Variants in ATG7 observed in about 807,000 individuals in gnomAD.
ATG7 encodes ubiquitin-like modifier-activating enzyme ATG7.
Under a neutral mutation model 82.4 loss-of-function variants are expected in ATG7, and 70 were observed. The observed-to-expected ratio is 0.85, with a 90% CI of 0.70 to 1.04. ATG7 has a LOEUF of 1.04. ATG7 is among the 50% of genes least tolerant of loss of function. The pLI, the probability that ATG7 is intolerant of heterozygous loss-of-function variation, is 0.00. For missense variants in ATG7, 792 were observed against 864.3 expected (o/e 0.92, Z 1.05); for synonymous variants, 287 against 313.0 (o/e 0.92, Z 0.88).
intron 19 of ATG7, among the ~76,000 whole-genome samples, chr3:11,400,400 G>A (rs935009316): frequency 6.6e-6 from 1 of 152,142 alleles, no homozygotes; most frequent in Non-Finnish European, 1.5e-5. Context: ...CTAGCTTGAA[G>A]ACAACAGAAA....
chr3:11,354,599 A>C (rs749071858), intron 14 of ATG7, among the ~76,000 whole-genome samples: 1 of 140,368 alleles, frequency 7.1e-6, no homozygotes, highest in Non-Finnish European at 1.5e-5. Context: ...CAGTGAGCCG[A>C]GATCACGCCA....
rs2078339124 is a variant in ATG7, at chr3:11,386,665, A to G, written c.1956+6613A>G. Among the ~76,000 whole-genome samples, 2 of 152,222 alleles carry G rather than the reference A, an allele frequency of 1.3e-5. 1 individual carries two copies. Among genetic ancestry groups the G allele is most frequent in the South Asian group, 4.1e-4 (2 of 4,830 alleles). ...TTTCCAAAAGGGATATAAATCTCTG[A>G]TTTGGAAAATGATGAGTAACCCCCA... On this transcript the variant is annotated intron_variant, in intron 19 of 20. Transcript: ENST00000693202.
Position 11,407,338 on chromosome 3 carries a change from C to T in ATG7, c.1957-19466C>T, listed in dbSNP as rs188253047. On this transcript the variant is annotated intron_variant, in intron 19 of 20. Transcript: ENST00000693202. ...GTTCCCATGGTCTTGGGCAGCTCTG[C>T]CCCTGTGGCTTTGCAGGGTGCAGCC... is the stretch of plus-strand genomic sequence containing the variant. 3.3e-5 allele frequency among the ~76,000 whole-genome samples: 5 copies of T among 152,360 alleles called. No individual in the cohort carries two copies. In the East Asian group the frequency reaches 7.7e-4, roughly 24 times the overall value.
chr3:11,525,588 T>C (rs1399606721), intron 20 of ATG7, among the ~76,000 whole-genome samples: 2 of 148,196 alleles, frequency 1.3e-5, no homozygotes, highest in Non-Finnish European at 3.0e-5. Flanking sequence ...GGAGTCTTGC[T>C]CTGTCGCCCA....
At chr3:11,488,775 C>T (rs1357650896) in intron 20 of ATG7, among the ~76,000 whole-genome samples, 1 of 152,154 alleles carries the variant, frequency 6.6e-6, no homozygotes, top group Non-Finnish European at 1.5e-5. Context: ...GGTGGATAGG[C>T]TTTTTGATGT....
intron 19 of ATG7, among the ~76,000 whole-genome samples, chr3:11,423,928 C>T (rs558757834): frequency 1.1e-4 from 16 of 152,292 alleles, no homozygotes; most frequent in African/African-American, 3.8e-4. Context: ...TGACCAGAGG[C>T]GTCAGATTGT....
At chr3:11,498,059 T>C (rs2090995855) in intron 20 of ATG7, among the ~76,000 whole-genome samples, 1 of 152,226 alleles carries the variant, frequency 6.6e-6, no homozygotes, top group African/African-American at 2.4e-5. Flanking sequence ...GGACCCTCTT[T>C]GGTGGTCAAA....
At chr3:11,520,856 C>T (rs1043385014) in intron 20 of ATG7, among the ~76,000 whole-genome samples, 1 of 152,162 alleles carries the variant, frequency 6.6e-6, no homozygotes, top group Non-Finnish European at 1.5e-5. Flanking sequence ...ACACCTCACC[C>T]GCCAGCATTC....
intron 5 of ATG7, among the ~76,000 whole-genome samples, chr3:11,306,406 A>G (rs1947744900): frequency 6.6e-6 from 1 of 152,232 alleles, no homozygotes; most frequent in South Asian, 2.1e-4. Flanking sequence ...CTCTTAGCAG[A>G]GAAAGTGGAG....
rs917658716 is a variant in ATG7, at chr3:11,399,491, C to T, written c.1956+19439C>T. 3.9e-5 allele frequency among the ~76,000 whole-genome samples: 6 copies of T among 152,056 alleles called. No individual in the cohort carries two copies. The East Asian group carries it at 5.8e-4, about 15-fold the overall frequency. On this transcript the variant is annotated intron_variant, in intron 19 of 20. Transcript: ENST00000693202. ...AAAGTAGAGAAATTATTATATAAGT[C>T]GCTGGTTTTAAGAGGTAAGTAAGGA... is the stretch of plus-strand genomic sequence containing the variant.
chr3:11,317,034 G>T (rs1231123385), intron 9 of ATG7, among the ~76,000 whole-genome samples: 1 of 152,028 alleles, frequency 6.6e-6, no homozygotes, highest in East Asian at 1.9e-4. Flanking sequence ...TAGAGATGGG[G>T]TTTCACCGTG....
At chr3:11,336,028 GC>G (rs1252466523) in intron 11 of ATG7, among the ~76,000 whole-genome samples, 2 of 148,464 alleles carry the variant, frequency 1.3e-5, no homozygotes, top group African/African-American at 5.0e-5. Context: ...GAGCCACTGT[GC>G]CCGGTCATTT....
rs545841462 is a variant in ATG7 at position 11,415,348 on chromosome 3, A to T, written c.1957-11456A>T. ...ATTTTGTACACCACTGTAGCCTTGA[A>T]AAACAACACTAAACTTAAAAAATAT... On this transcript the variant is annotated intron_variant, in intron 19 of 20. Coordinates refer to ENST00000693202, the MANE Select transcript of ATG7 (RefSeq NM_001349232.2). Among the ~76,000 whole-genome samples, 23 of 152,342 alleles carry T rather than the reference A, an allele frequency of 1.5e-4. No individual in the cohort carries two copies. In the South Asian group the frequency reaches 3.5e-3, roughly 23 times the overall value.
chr3:11,554,941 G>C lies in ATG7; in HGVS notation c.*98G>C. On this transcript the variant is annotated 3_prime_UTR_variant, in exon 21 of 21. Coordinates refer to ENST00000693202, the MANE Select transcript of ATG7 (RefSeq NM_001349232.2). ...CTGACCCCAGGCCTGGTGATTCTGG[G>C]CCCCTCCTCCATACCCCGAGGTCTG... The C allele has an allele frequency of 1.4e-6, 2 of 1,463,258 alleles. No homozygotes were observed. Among genetic ancestry groups the C allele is most frequent in the Non-Finnish European group, 1.8e-6 (2 of 1,084,638 alleles). 90.6% of individuals were successfully genotyped at this position (1,463,258 alleles called of 1,614,324 possible).
chr3:11,535,012 CCCT>C (rs2092763353), intron 20 of ATG7, among the ~76,000 whole-genome samples: 1 of 152,260 alleles, frequency 6.6e-6, no homozygotes, highest in Admixed American at 6.5e-5. Context: ...GGTCTTTGCT[CCCT>C]TAATGGCCCC....
intron 20 of ATG7, among the ~76,000 whole-genome samples, chr3:11,526,215 A>AC (rs1483350578): frequency 2.0e-5 from 3 of 151,982 alleles, no homozygotes; most frequent in Non-Finnish European, 4.4e-5. Flanking sequence ...ACATGGCGAG[A>AC]CCCCATCTCT....
At chr3:11,358,354 G>A in intron 14 of ATG7, 64 bp from the exon 15 acceptor site, 1 of 1,502,432 alleles carries the variant, frequency 6.7e-7, no homozygotes, top group East Asian at 2.3e-5. Flanking sequence ...TGTGGGAAGT[G>A]TGGGCTCTGA....
downstream of ATG7, chr3:11,557,867 CTA>C: frequency 6.6e-6 from 1 of 152,090 alleles, no homozygotes; most frequent in Non-Finnish European, 1.5e-5. Context: ...CACCTGAAAT[CTA>C]GAGAGAGAAA....
chr3:11,569,469 C>G, the ATG7 span, among the ~76,000 whole-genome samples: 1 of 152,242 alleles, frequency 6.6e-6, no homozygotes, highest in Non-Finnish European at 1.5e-5. Flanking sequence ...GGCAAAGCAG[C>G]CCGTCCCCAT....
Sources: allele counts gnomAD v4.1 joint callset (sites outside exome capture counted in the v4.1 genomes callset), GRCh38; gene constraint gnomAD v4.1.1; transcripts MANE v1.5; gene names NCBI Gene and HGNC (gene_info 2026-07-23, HGNC 2026-07-21).